The following EEA1 variants were observed in gnomAD, a reference collection of about 807,000 sequenced individuals.
EEA1 encodes the protein early endosome antigen 1.
A neutral mutation model predicts 209.2 loss-of-function variants in EEA1; 111 were observed. That is an observed-to-expected ratio of 0.53 (90% confidence interval 0.45 to 0.62). EEA1 has a LOEUF of 0.62. Ranked by LOEUF, EEA1 falls within the 20% of genes least tolerant of loss-of-function variation. EEA1 has a pLI of 0.00. For missense variants in EEA1, 1,343 were observed against 1,530.8 expected (o/e 0.88, Z 2.05); for synonymous variants, 536 against 540.6 (o/e 0.99, Z 0.12).
At chr12:92,776,219 T>C (rs1873653139) in intron 28 of EEA1, 86 bp from the exon 29 acceptor site, 1 of 1,298,084 alleles carries the variant, frequency 7.7e-7, no homozygotes, top group Admixed American at 2.5e-5. Context: ...CCAACTACAT[T>C]ATGAAGGTAC....
At chr12:92,891,012 C>T (rs1422263166) in intron 2 of EEA1, among the ~76,000 whole-genome samples, 2 of 152,166 alleles carry the variant, frequency 1.3e-5, no homozygotes, top group Non-Finnish European at 2.9e-5. Context: ...TTCATCTCTT[C>T]GTGGCAGTAT....
At chr12:92,864,660 G>A (rs1332920674) in intron 3 of EEA1, among the ~76,000 whole-genome samples, 200 bp downstream of exon 3, 1 of 152,024 alleles carries the variant, frequency 6.6e-6, no homozygotes, top group Non-Finnish European at 1.5e-5. Context: ...GTACCGTATT[G>A]TACTTGCTGG....
At position 92,816,308 on chromosome 12, in the gene EEA1, T is replaced by C; in HGVS notation, c.1821A>G (p.Ala607=). 13 of 1,614,066 alleles carry C rather than the reference T, an allele frequency of 8.1e-6. No individual in the cohort carries two copies. Among genetic ancestry groups the C allele is most frequent in the Non-Finnish European group, 1.0e-5 (12 of 1,179,924 alleles). ...CACGGTCTTGTGCAGCTCTAAGATG[T>C]GCCTTCTGCTCTTGTACCTGGTCAT... The part of the protein sequence containing the change: ...NLHDQVQEQK[A]HLRAAQDRVL... Residue 607 remains alanine (A), a synonymous_variant, in exon 15 of 29, where the codon GCA becomes GCG. Transcript: ENST00000322349.
chr12:92,808,281 T>C (rs1420185859), intron 18 of EEA1, among the ~76,000 whole-genome samples: 1 of 152,140 alleles, frequency 6.6e-6, no homozygotes, highest in Non-Finnish European at 1.5e-5. Context: ...CAATGTCCTA[T>C]ATGGTGCTGT....
Position 92,772,804 on chromosome 12 carries a change from TTATGAA to T in EEA1, c.*3201_*3206del, listed in dbSNP as rs1394660578. On this transcript the variant is annotated 3_prime_UTR_variant, in exon 29 of 29. Coordinates refer to ENST00000322349, the MANE Select transcript of EEA1 (RefSeq NM_003566.4). ...GTTCATGCATAAGTATCTACAGAAC[TTATGAA>T]TATATGATCCAGTTCAAGGAATTAC... 1 of 152,236 alleles carries T rather than the reference TTATGAA, an allele frequency of 6.6e-6. No individual in the cohort carries two copies. Among genetic ancestry groups the T allele is most frequent in the East Asian group, 1.9e-4 (1 of 5,194 alleles). 9.4% of individuals were successfully genotyped at this position (152,236 alleles called of 1,614,324 possible).
At chr12:92,873,861 A>G (rs1436402406) in intron 2 of EEA1, among the ~76,000 whole-genome samples, 2 of 152,210 alleles carry the variant, frequency 1.3e-5, no homozygotes, top group African/African-American at 4.8e-5. Context: ...GTTAGCTATC[A>G]TTACTTTAAT....
At chr12:92,795,348 T>C (rs747844004) in intron 21 of EEA1, among the ~76,000 whole-genome samples, 2 of 152,202 alleles carry the variant, frequency 1.3e-5, no homozygotes, top group East Asian at 1.9e-4. Flanking sequence ...ATCACTATCT[T>C]TCATACCTCT....
chr12:92,831,086 A>G (rs1455801380), intron 11 of EEA1, among the ~76,000 whole-genome samples: 3 of 152,228 alleles, frequency 2.0e-5, no homozygotes, highest in Non-Finnish European at 4.4e-5. Flanking sequence ...TAATTTCTGA[A>G]ACATAACTGA....
intron 20 of EEA1, among the ~76,000 whole-genome samples, chr12:92,801,388 C>T (rs1490749283): frequency 1.3e-5 from 2 of 151,632 alleles, no homozygotes; most frequent in African/African-American, 4.8e-5. Context: ...ATACAAATAA[C>T]AATTTTAAAC....
At position 92,771,120 on chromosome 12, in the gene EEA1, G is replaced by GAT. The variant is rs1873417800; in HGVS notation, c.*4889_*4890dup. The GAT allele has an allele frequency of 6.6e-6, 1 of 151,842 alleles. No individual in the cohort carries two copies. Among genetic ancestry groups the GAT allele is most frequent in the African/African-American group, 2.4e-5 (1 of 41,360 alleles). 9.4% of individuals were successfully genotyped at this position (151,842 alleles called of 1,614,324 possible). A position where few individuals can be genotyped will look rare whatever the true frequency, so the allele number is the denominator to read the frequency against. On this transcript the variant is annotated 3_prime_UTR_variant, in exon 29 of 29. Coordinates refer to ENST00000322349, the MANE Select transcript of EEA1 (RefSeq NM_003566.4). ...GTTTGAATAATTATTATCATGGCAG[G>GAT]ATATATACTATTAACTACATTCAAG...
At chr12:92,906,818 TA>T (rs919567958) in intron 1 of EEA1, among the ~76,000 whole-genome samples, 10 of 149,414 alleles carry the variant, frequency 6.7e-5, no homozygotes, top group Admixed American at 1.3e-4. Context: ...TGTCTCAAAA[TA>T]AAAAAAAAAT....
In EEA1 at chr12:92,882,344, G is replaced by T. The variant is rs539626302; in HGVS notation, c.117+9285C>A. Among the ~76,000 whole-genome samples the T allele has an allele frequency of 4.1e-4, 63 of 151,878 alleles. No homozygotes were observed. The South Asian group carries it at 0.011, about 26-fold the overall frequency. ...GCTGGTCTCAAACTCCTGACCTCAG[G>T]TGATCTGCCCGCCTCGGCCTCCCAA... is the stretch of plus-strand genomic sequence containing the variant. On this transcript the variant is annotated intron_variant, in intron 2 of 28. Transcript: ENST00000322349.
intron 1 of EEA1, among the ~76,000 whole-genome samples, chr12:92,902,936 C>CTT (rs35352937): frequency 4.4e-5 from 6 of 136,604 alleles, no homozygotes; most frequent in East Asian, 2.2e-4. Context: ...GTTCAACAGT[C>CTT]TTTTTTTTTT....
intron 3 of EEA1, chr12:92,859,125 A>C: frequency 8.3e-7 from 1 of 1,202,348 alleles, no homozygotes; most frequent in Non-Finnish European, 1.2e-6. Context: ...GGGAGCTACT[A>C]GAGATTATAA....
At chr12:92,895,204 G>A (rs1178320317) in intron 1 of EEA1, among the ~76,000 whole-genome samples, 1 of 135,330 alleles carries the variant, frequency 7.4e-6, no homozygotes. Context: ...CGCCCAGGCT[G>A]GAGTGCAGTG....
intron 9 of EEA1, among the ~76,000 whole-genome samples, chr12:92,844,846 T>C (rs1243182793): frequency 6.6e-6 from 1 of 152,154 alleles, no homozygotes; most frequent in African/African-American, 2.4e-5. Flanking sequence ...ATTATGTGTA[T>C]ATCTCATTAA....
At chr12:92,858,310 T>C (rs777392631) in intron 3 of EEA1, 102 of 752,418 alleles carry the variant, frequency 1.4e-4, no homozygotes, top group African/African-American at 2.4e-4. Context: ...AGAGCTGCTG[T>C]TGACTAACAG....
At chr12:92,793,138 AC>A (rs1158714630) in intron 21 of EEA1, among the ~76,000 whole-genome samples, 1 of 152,202 alleles carries the variant, frequency 6.6e-6, no homozygotes, top group African/African-American at 2.4e-5. Context: ...TCTCAAAATA[AC>A]AAGAACTACT....
chr12:92,928,169 A>C (rs1169624516), intron 1 of EEA1, among the ~76,000 whole-genome samples: 1 of 152,172 alleles, frequency 6.6e-6, no homozygotes, highest in Non-Finnish European at 1.5e-5. Context: ...TACCAAAAAA[A>C]AAAAACAAAT....
Sources: gnomAD v4.1 joint callset for allele counts (sites outside exome capture counted in the v4.1 genomes callset) on GRCh38, gnomAD v4.1.1 for gene constraint, MANE v1.5 for transcripts, NCBI Gene and HGNC (gene_info 2026-07-23, HGNC 2026-07-21) for gene names.